ABCB7: variants seen among roughly 807,000 people sequenced by gnomAD.
ABCB7 encodes the protein iron-sulfur clusters transporter ABCB7, mitochondrial.
In ABCB7, 7 loss-of-function variants were observed where a neutral mutation model predicts 54.4. The observed-to-expected ratio is 0.13, with a 90% CI of 0.07 to 0.24. The LOEUF (loss-of-function observed/expected upper bound fraction) is 0.24. ABCB7 is among the 10% of genes least tolerant of loss of function. ABCB7 has a pLI of 1.00. For missense variants in ABCB7, 356 were observed against 570.4 expected, an observed-to-expected ratio of 0.62 and a Z score of 3.83; for synonymous variants, 218 against 207.1, an observed-to-expected ratio of 1.05 and a Z score of -0.45.
intron 4 of ABCB7, among the ~76,000 whole-genome samples, chrX:75,093,199 T>C (rs928223210): frequency 8.9e-6 from 1 of 111,878 alleles, no homozygotes; most frequent in African/African-American, 3.2e-5. Context: ...AAACACACTA[T>C]AGTACATCCA....
chrX:75,062,818 A>T (rs1272498864), intron 13 of ABCB7, among the ~76,000 whole-genome samples: 1 of 111,800 alleles, frequency 8.9e-6, no homozygotes, highest in Non-Finnish European at 1.9e-5. Flanking sequence ...TGCCAAAAAA[A>T]TCAATATCTG....
intron 1 of ABCB7, among the ~76,000 whole-genome samples, chrX:75,119,777 AT>A (rs1464340486): frequency 8.9e-6 from 1 of 111,890 alleles, no homozygotes; most frequent in Non-Finnish European, 1.9e-5. Context: ...TATGTTATTA[AT>A]AGTTACAATT....
Position 75,052,784 on chromosome X carries a change from A to C in ABCB7, c.*586T>G, listed in dbSNP as rs1415175623. 1.0e-5 allele frequency: 1 copy of C among 97,357 alleles called. No individual in the cohort carries two copies. Among genetic ancestry groups the C allele is most frequent in the Non-Finnish European group, 1.9e-5 (1 of 52,748 alleles). 8.0% of individuals were successfully genotyped at this position (97,357 alleles called of 1,213,427 possible). On this transcript the variant is annotated 3_prime_UTR_variant, in exon 16 of 16. Coordinates refer to ENST00000373394, the MANE Select transcript of ABCB7 (RefSeq NM_001271696.3). ...CAGAATGAGAATCTGTCTCAAAAAA[A>C]AAAAACAACAAAAAACAAAAAACAA...
At chrX:75,110,935 G>A (rs778128968) in intron 3 of ABCB7, among the ~76,000 whole-genome samples, 9 of 111,749 alleles carry the variant, frequency 8.1e-5, no homozygotes, top group African/African-American at 2.6e-4. Context: ...ATTGTTAGCT[G>A]TTAAGAACAC....
intron 3 of ABCB7, among the ~76,000 whole-genome samples, chrX:75,102,271 T>G (rs1474411552): frequency 9.0e-6 from 1 of 110,779 alleles, no homozygotes; most frequent in African/African-American, 3.3e-5. Context: ...TATCAAACAT[T>G]AAAACTTACA....
At chrX:75,056,393 C>A (rs1304652832) in intron 15 of ABCB7, among the ~76,000 whole-genome samples, 1 of 111,874 alleles carries the variant, frequency 8.9e-6, no homozygotes, top group East Asian at 2.8e-4. Context: ...GCAGTATCAT[C>A]ATGGATGCTT....
intron 1 of ABCB7, among the ~76,000 whole-genome samples, chrX:75,135,798 C>A (rs1234099209): frequency 9.0e-6 from 1 of 110,950 alleles, no homozygotes; most frequent in Non-Finnish European, 1.9e-5. Flanking sequence ...GTTAAAAAAC[C>A]ATCAACAAAC....
In ABCB7 at chrX:75,127,090, G is replaced by A. The variant is rs183052563; in HGVS notation, c.169-12259C>T. 8.1e-5 allele frequency among the ~76,000 whole-genome samples: 9 copies of A among 111,288 alleles called. No individual in the cohort carries two copies. In the East Asian group the frequency reaches 2.5e-3, roughly 31 times the overall value. ...GGCAATATCCTGATAACAAAACCTG[G>A]CAGAGACACAACAAAAAAAGAAAAT... is the stretch of plus-strand genomic sequence containing the variant. On this transcript the variant is annotated intron_variant, in intron 1 of 15. Transcript: ENST00000373394.
chrX:75,065,051 G>C lies in ABCB7; in HGVS notation c.1831+19C>G. On this transcript the variant is annotated intron_variant, in intron 13 of 15. Coordinates refer to ENST00000373394, the MANE Select transcript of ABCB7 (RefSeq NM_001271696.3). The stretch of plus-strand genomic sequence containing the variant: ...AAAGAAGTATACAAGAAGGGGGCAG[G>C]TCTAAAATCTCTGATCACCTGAAAG... 1.7e-6 allele frequency: 2 copies of C among 1,208,440 alleles called. No homozygotes were observed. Among genetic ancestry groups the C allele is most frequent in the Non-Finnish European group, 2.2e-6 (2 of 893,476 alleles).
chrX:75,132,715 T>A (rs960925284), intron 1 of ABCB7, among the ~76,000 whole-genome samples: 1 of 112,366 alleles, frequency 8.9e-6, no homozygotes, highest in Non-Finnish European at 1.9e-5. Flanking sequence ...TGGATTAAAG[T>A]CCAAACTTCA....
At chrX:75,124,677 A>C (rs2081909687) in intron 1 of ABCB7, among the ~76,000 whole-genome samples, 1 of 111,903 alleles carries the variant, frequency 8.9e-6, no homozygotes, top group Non-Finnish European at 1.9e-5. Flanking sequence ...ATTAAGAGTG[A>C]ATATACCAAA....
rs141544831 is a variant in ABCB7, at chrX:75,146,701, A to G, written c.168+9404T>C. On this transcript the variant is annotated intron_variant, in intron 1 of 15. Coordinates refer to ENST00000373394, the MANE Select transcript of ABCB7 (RefSeq NM_001271696.3). ...GATTAAAGACTTACATGTAAAATCCAAAAGTATAAAAACCATGGAAGACAA... is the reference window on the plus strand; with the variant it reads ...GATTAAAGACTTACATGTAAAATCCGAAAGTATAAAAACCATGGAAGACAA... Among the ~76,000 whole-genome samples the G allele has an allele frequency of 7.5e-3, 846 of 112,196 alleles. 2 individuals carry two copies. Among genetic ancestry groups the G allele is most frequent in the Middle Eastern group, 0.032 (7 of 216 alleles).
At chrX:75,114,485 C>G (rs998133470) in intron 2 of ABCB7, among the ~76,000 whole-genome samples, 1 of 112,220 alleles carries the variant, frequency 8.9e-6, no homozygotes, top group African/African-American at 3.2e-5. Flanking sequence ...TAAGTGTCAA[C>G]AAGTTGCTAT....
chrX:75,105,092 T>C (rs1443853306), intron 3 of ABCB7, among the ~76,000 whole-genome samples: 1 of 110,559 alleles, frequency 9.0e-6, no homozygotes. Flanking sequence ...TGGGGAAAAC[T>C]TGAAAACACT....
At chrX:75,111,826 C>T (rs1391003591) in intron 3 of ABCB7, among the ~76,000 whole-genome samples, 1 of 112,090 alleles carries the variant, frequency 8.9e-6, no homozygotes, top group African/African-American at 3.2e-5. Context: ...ATTAAGTCAA[C>T]ATGTTTTTGG....
intron 1 of ABCB7, among the ~76,000 whole-genome samples, chrX:75,147,595 CACTT>C (rs1245526837): frequency 2.7e-5 from 3 of 111,681 alleles, no homozygotes; most frequent in South Asian, 3.7e-4. Flanking sequence ...TACATGTTCT[CACTT>C]ACAAGTAGGA....
intron 1 of ABCB7, among the ~76,000 whole-genome samples, chrX:75,115,500 T>C (rs1021457906): frequency 9.8e-6 from 1 of 101,696 alleles, no homozygotes; most frequent in Non-Finnish European, 2.0e-5. Flanking sequence ...ATGGCTTTTA[T>C]GCTCTTTTCA....
At chrX:75,067,184 A>G (rs191440693) in intron 12 of ABCB7, among the ~76,000 whole-genome samples, 1 of 111,950 alleles carries the variant, frequency 8.9e-6, no homozygotes, top group Admixed American at 9.5e-5. Context: ...CCCAAACTGG[A>G]TATTAGGAAT....
chrX:75,123,799 G>A lies in ABCB7; in HGVS notation c.169-8968C>T, dbSNP rs182679809. Among the ~76,000 whole-genome samples, 23 of 110,552 alleles carry A rather than the reference G, an allele frequency of 2.1e-4. No individual in the cohort carries two copies. The East Asian group carries it at 5.4e-3, about 26-fold the overall frequency. On this transcript the variant is annotated intron_variant, in intron 1 of 15. Coordinates refer to ENST00000373394, the MANE Select transcript of ABCB7 (RefSeq NM_001271696.3). ...TAAATGAGATTGTTTTCTTGAGCTCGCTTTTCCAGACAGTAAATATTTTAG... is the reference window on the plus strand; with the variant it reads ...TAAATGAGATTGTTTTCTTGAGCTCACTTTTCCAGACAGTAAATATTTTAG...
Sources: gnomAD v4.1 joint callset for allele counts (sites outside exome capture counted in the v4.1 genomes callset) on GRCh38, gnomAD v4.1.1 for gene constraint, MANE v1.5 for transcripts, NCBI Gene and HGNC (gene_info 2026-07-23, HGNC 2026-07-21) for gene names.